The following ZMAT4 variants were observed in gnomAD, a reference collection of about 807,000 sequenced individuals.
ZMAT4 encodes the protein zinc finger matrin-type 4.
In ZMAT4, 17 loss-of-function variants were observed where a neutral mutation model predicts 28.7. The observed-to-expected ratio is 0.59, with a 90% confidence interval of 0.41 to 0.89. The LOEUF is 0.89. Ranked by LOEUF, ZMAT4 falls within the 40% of genes least tolerant of loss-of-function variation. ZMAT4 has a pLI of 0.00. For synonymous variants in ZMAT4, 117 were observed against 109.2 expected (o/e 1.07, Z -0.44); for missense variants, 240 against 283.8 (o/e 0.85, Z 1.11).
chr8:40,612,913 A>T (rs572739597), intron 5 of ZMAT4, among the ~76,000 whole-genome samples: 167 of 150,970 alleles, frequency 1.1e-3, no homozygotes, highest in Non-Finnish European at 1.9e-3. Flanking sequence ...GCCAGGTTCA[A>T]GTGATTCTCC....
intron 5 of ZMAT4, among the ~76,000 whole-genome samples, chr8:40,595,570 G>A (rs1250711613): frequency 6.6e-6 from 1 of 152,108 alleles, no homozygotes; most frequent in African/African-American, 2.4e-5. Flanking sequence ...ATATACAGAT[G>A]CTACTGTAGT....
At chr8:40,740,902 T>C (rs961412234) in intron 3 of ZMAT4, among the ~76,000 whole-genome samples, 1 of 152,154 alleles carries the variant, frequency 6.6e-6, no homozygotes, top group Non-Finnish European at 1.5e-5. Flanking sequence ...CCCTCTAATC[T>C]ACTTTATACA....
intron 3 of ZMAT4, among the ~76,000 whole-genome samples, chr8:40,725,058 C>T (rs1811263864): frequency 6.6e-6 from 1 of 152,160 alleles, no homozygotes; most frequent in African/African-American, 2.4e-5. Context: ...AAGTAAACCA[C>T]TTTGCTATGG....
At chr8:40,545,562 T>G (rs1173385590) in intron 6 of ZMAT4, among the ~76,000 whole-genome samples, 2 of 152,156 alleles carry the variant, frequency 1.3e-5, no homozygotes, top group Non-Finnish European at 2.9e-5. Context: ...ATATGACTGG[T>G]GTCCTTATGA....
intron 1 of ZMAT4, among the ~76,000 whole-genome samples, chr8:40,870,989 G>A (rs1434640623): frequency 1.3e-5 from 2 of 152,108 alleles, no homozygotes; most frequent in East Asian, 3.9e-4. Flanking sequence ...TCCCTTATTT[G>A]TAAAGCAAGC....
chr8:40,852,049 T>C (rs535924597), intron 1 of ZMAT4, among the ~76,000 whole-genome samples: 1 of 152,014 alleles, frequency 6.6e-6, no homozygotes, highest in South Asian at 2.1e-4. Flanking sequence ...GGCGCCTGAC[T>C]AATTTTTGTG....
intron 5 of ZMAT4, among the ~76,000 whole-genome samples, chr8:40,658,213 T>A (rs1177836257): frequency 6.6e-6 from 1 of 152,196 alleles, no homozygotes; most frequent in Non-Finnish European, 1.5e-5. Context: ...AATCCTCGCA[T>A]TCTATTAGCT....
chr8:40,813,669 A>G (rs1210924551), intron 2 of ZMAT4, among the ~76,000 whole-genome samples: 1 of 152,244 alleles, frequency 6.6e-6, no homozygotes, highest in Non-Finnish European at 1.5e-5. Flanking sequence ...TGAGTCAGAC[A>G]AAAGGTATTA....
At chr8:40,768,287 C>T (rs7846312) in intron 2 of ZMAT4, among the ~76,000 whole-genome samples, 24,211 of 152,132 alleles carry the variant, frequency 0.16, 3,066 homozygotes, top group East Asian at 0.6. Flanking sequence ...TGCGGACTGA[C>T]CACAGCCTAA....
intron 4 of ZMAT4, among the ~76,000 whole-genome samples, chr8:40,688,037 C>T (rs958071663): frequency 2.6e-5 from 4 of 152,150 alleles, no homozygotes; most frequent in South Asian, 4.1e-4. Flanking sequence ...TCAGAATGCC[C>T]AGATCATCTC....
chr8:40,884,130 T>C (rs570494386), intron 1 of ZMAT4, among the ~76,000 whole-genome samples: 2 of 152,268 alleles, frequency 1.3e-5, no homozygotes, highest in African/African-American at 2.4e-5. Flanking sequence ...AAGCTTGTGA[T>C]CCACCATGCT....
chr8:40,878,210 G>A (rs1362980029), intron 1 of ZMAT4, among the ~76,000 whole-genome samples: 1 of 152,176 alleles, frequency 6.6e-6, no homozygotes, highest in Non-Finnish European at 1.5e-5. Flanking sequence ...AACGGAAGTC[G>A]AGGGGTGGCC....
At chr8:40,686,150 A>T (rs972616392) in intron 4 of ZMAT4, among the ~76,000 whole-genome samples, 3 of 152,190 alleles carry the variant, frequency 2.0e-5, no homozygotes, top group African/African-American at 4.8e-5. Flanking sequence ...TGAAATAGAC[A>T]TATTTTGAAC....
chr8:40,777,322 G>A (rs1813640569), intron 2 of ZMAT4, among the ~76,000 whole-genome samples: 1 of 152,176 alleles, frequency 6.6e-6, no homozygotes, highest in Admixed American at 6.5e-5. Flanking sequence ...CGGGGAGAGG[G>A]GACATTTTGT....
intron 3 of ZMAT4, among the ~76,000 whole-genome samples, chr8:40,724,017 C>G (rs1230609125): frequency 1.3e-5 from 2 of 152,188 alleles, no homozygotes; most frequent in East Asian, 3.8e-4. Flanking sequence ...AGGCTCTTCC[C>G]CAAAGATCCA....
intron 2 of ZMAT4, among the ~76,000 whole-genome samples, chr8:40,814,653 C>T (rs538666007): frequency 6.6e-6 from 1 of 152,182 alleles, no homozygotes; most frequent in South Asian, 2.1e-4. Flanking sequence ...TAGCATGTTA[C>T]CATTTCTGAA....
chr8:40,727,716 T>C (rs545616262), intron 3 of ZMAT4, among the ~76,000 whole-genome samples: 2 of 152,338 alleles, frequency 1.3e-5, no homozygotes, highest in East Asian at 3.9e-4. Context: ...ATAGAACTTT[T>C]ATATACAGTA....
intron 5 of ZMAT4, among the ~76,000 whole-genome samples, chr8:40,587,011 G>A (rs1002112961): frequency 5.9e-5 from 9 of 151,814 alleles, no homozygotes; most frequent in Admixed American, 3.3e-4. Flanking sequence ...AGCCTGAGAC[G>A]TGAAGAGGAG....
intron 2 of ZMAT4, among the ~76,000 whole-genome samples, chr8:40,791,464 G>A (rs1359331756): frequency 2.6e-5 from 4 of 152,168 alleles, no homozygotes; most frequent in African/African-American, 9.7e-5. Flanking sequence ...ACTATCAATA[G>A]CCCATCTCCT....
Sources: gnomAD v4.1 joint callset for allele counts (sites outside exome capture counted in the v4.1 genomes callset) on GRCh38, gnomAD v4.1.1 for gene constraint, MANE v1.5 for transcripts, NCBI Gene and HGNC (gene_info 2026-07-23, HGNC 2026-07-21) for gene names.